The following ZDHHC14 variants were observed in gnomAD, a reference collection of about 807,000 sequenced individuals.
ZDHHC14 encodes palmitoyltransferase ZDHHC14.
A neutral mutation model predicts 47.7 loss-of-function variants in ZDHHC14; 16 were observed. The observed-to-expected ratio is 0.34, with a 90% CI of 0.23 to 0.51. The LOEUF (loss-of-function observed/expected upper bound fraction) is 0.51, where lower values mean the gene tolerates loss of function less well. Among genes scored for constraint, ZDHHC14 ranks in the 20% least tolerant of loss-of-function variants. The pLI is 0.97. For missense variants in ZDHHC14, 515 were observed against 662.5 expected (o/e 0.78, Z 2.44); for synonymous variants, 293 against 278.9 (o/e 1.05, Z -0.50).
intron 1 of ZDHHC14, among the ~76,000 whole-genome samples, chr6:157,513,927 G>A (rs1047436936): frequency 1.2e-4 from 18 of 152,004 alleles, no homozygotes; most frequent in Admixed American, 1.2e-3. Flanking sequence ...TTGGCTCAGC[G>A]AACAGTGAAT....
chr6:157,445,564 C>T (rs780082345), intron 1 of ZDHHC14, among the ~76,000 whole-genome samples: 55 of 152,328 alleles, frequency 3.6e-4, no homozygotes, highest in South Asian at 1.9e-3. Context: ...TGGCAAGCCC[C>T]CTCTGCCCCC....
chr6:157,608,840 G>C (rs34162221), intron 3 of ZDHHC14, among the ~76,000 whole-genome samples: 2 of 152,208 alleles, frequency 1.3e-5, no homozygotes, highest in African/African-American at 4.8e-5. Flanking sequence ...CGAGAGGGGG[G>C]GCTGTCCCCA....
intron 1 of ZDHHC14, among the ~76,000 whole-genome samples, chr6:157,387,401 A>T (rs1351101168): frequency 6.6e-6 from 1 of 152,216 alleles, no homozygotes; most frequent in African/African-American, 2.4e-5. Context: ...TTTATAATAT[A>T]TAATAACCCC....
At chr6:157,610,318 GC>G (rs1426450452) in intron 3 of ZDHHC14, among the ~76,000 whole-genome samples, 6 of 152,184 alleles carry the variant, frequency 3.9e-5, no homozygotes, top group Admixed American at 3.3e-4. Flanking sequence ...TGTGGTCCCA[GC>G]TACTCGGGAG....
chr6:157,610,226 T>C (rs1784700529), intron 3 of ZDHHC14, among the ~76,000 whole-genome samples: 1 of 152,138 alleles, frequency 6.6e-6, no homozygotes, highest in African/African-American at 2.4e-5. Flanking sequence ...AGGCGGATCA[T>C]GAGGTCGGGA....
At chr6:157,545,373 T>C (rs1309870662) in intron 2 of ZDHHC14, among the ~76,000 whole-genome samples, 3 of 147,388 alleles carry the variant, frequency 2.0e-5, no homozygotes, top group African/African-American at 7.7e-5. Flanking sequence ...TCTATGAAGA[T>C]GTAAAAAAAA....
At chr6:157,632,365 C>T (rs1213924785) in intron 4 of ZDHHC14, 3 of 161,930 alleles carry the variant, frequency 1.9e-5, no homozygotes, top group Admixed American at 1.8e-4. Flanking sequence ...ATGTCTAAAG[C>T]CCAAGAGAAG....
At chr6:157,555,477 G>A (rs939888519) in intron 2 of ZDHHC14, among the ~76,000 whole-genome samples, 3 of 152,146 alleles carry the variant, frequency 2.0e-5, no homozygotes, top group East Asian at 3.8e-4. Context: ...ATTTTTTATC[G>A]TAGGATATCC....
intron 1 of ZDHHC14, among the ~76,000 whole-genome samples, chr6:157,396,006 C>A (rs1199054812): frequency 6.6e-6 from 1 of 151,994 alleles, no homozygotes; most frequent in Admixed American, 6.6e-5. Context: ...TGATTTAGGT[C>A]TGCTTTTGCC....
rs540144341 is a variant in ZDHHC14, at chr6:157,395,417, C to T, written c.245+13151C>T. ...CTGAGCTCAAGTGATCCTTCCACTT[C>T]GGCCTCCCAAAGTGCTGAGATTACA... On this transcript the variant is annotated intron_variant, in intron 1 of 8. Transcript: ENST00000359775. Among the ~76,000 whole-genome samples the T allele has an allele frequency of 3.3e-3, 506 of 151,594 alleles. 4 individuals are homozygous for T. Among genetic ancestry groups the T allele is most frequent in the African/African-American group, 0.012 (476 of 41,282 alleles).
Position 157,463,705 on chromosome 6 carries a change from C to T in ZDHHC14, c.246-78880C>T, listed in dbSNP as rs934720364. 5.3e-5 allele frequency among the ~76,000 whole-genome samples: 8 copies of T among 152,180 alleles called. No individual in the cohort carries two copies. The highest frequency in any genetic ancestry group is 1.9e-4 in the East Asian group (1 of 5,202). On this transcript the variant is annotated intron_variant, in intron 1 of 8. Transcript: ENST00000359775. This position sits in a 1 kb window ranked among gnomAD's most constrained non-coding sequence, Gnocchi z 4.4. ...CTGGCACTTCGTCCCAATGTCTCCC[C>T]GCTTTACCTTTCATTAGTCAGATCT... is the stretch of plus-strand genomic sequence containing the variant.
intron 3 of ZDHHC14, among the ~76,000 whole-genome samples, chr6:157,599,357 C>T (rs1426118835): frequency 6.6e-6 from 1 of 152,236 alleles, no homozygotes; most frequent in African/African-American, 2.4e-5. Context: ...GGCACCACCA[C>T]TGAGTTCCCT....
chr6:157,642,099 A>T lies in ZDHHC14; in HGVS notation c.753-3638A>T, dbSNP rs1370501674. 4.6e-5 allele frequency among the ~76,000 whole-genome samples: 7 copies of T among 152,226 alleles called. No individual in the cohort carries two copies. The East Asian group carries it at 7.7e-4, about 17-fold the overall frequency. ...CATGTTGGAAATTAGAACTAAAAAA[A>T]TTTTAAAACACAAGAATGCACAAGC... On this transcript the variant is annotated intron_variant, in intron 5 of 8. Coordinates refer to ENST00000359775, the MANE Select transcript of ZDHHC14 (RefSeq NM_024630.3).
chr6:157,647,490 G>A (rs1037123770), intron 7 of ZDHHC14, 122 bp downstream of exon 7: 30 of 628,966 alleles, frequency 4.8e-5, no homozygotes, highest in African/African-American at 1.3e-4. Flanking sequence ...ACTTTGTGCC[G>A]CGTGGATGTG....
chr6:157,572,740 C>T (rs1255514368), intron 2 of ZDHHC14, among the ~76,000 whole-genome samples: 2 of 149,322 alleles, frequency 1.3e-5, no homozygotes, highest in African/African-American at 2.5e-5. Context: ...ACCTAGAGGA[C>T]TGTTGGGCAT....
At position 157,604,744 on chromosome 6, in the gene ZDHHC14, A is replaced by G. The variant is rs187017132; in HGVS notation, c.565+11598A>G. Reference sequence around the variant, plus strand: ...ATTTTAGTAGAGACGGTGTTTCACCATATTGGTCAGGCTGGTCTCGAACTC... The same window carrying G: ...ATTTTAGTAGAGACGGTGTTTCACCGTATTGGTCAGGCTGGTCTCGAACTC... On this transcript the variant is annotated intron_variant, in intron 3 of 8. Transcript: ENST00000359775. Among the ~76,000 whole-genome samples, 26 of 152,224 alleles carry G rather than the reference A, an allele frequency of 1.7e-4. No individual in the cohort carries two copies. The East Asian group carries it at 4.4e-3, about 26-fold the overall frequency.
chr6:157,435,530 T>G (rs1778422714), intron 1 of ZDHHC14, among the ~76,000 whole-genome samples: 1 of 151,994 alleles, frequency 6.6e-6, no homozygotes, highest in Non-Finnish European at 1.5e-5. Flanking sequence ...TCCTCCCTCA[T>G]TTCTCTCTCT....
chr6:157,538,273 G>T (rs1781613955), intron 1 of ZDHHC14, among the ~76,000 whole-genome samples: 1 of 152,174 alleles, frequency 6.6e-6, no homozygotes, highest in African/African-American at 2.4e-5. Context: ...TGAACATGAG[G>T]CACACTCGGC....
rs185659254 is a variant in ZDHHC14, at chr6:157,452,813, G to A, written c.245+70547G>A. 1.7e-3 allele frequency among the ~76,000 whole-genome samples: 254 copies of A among 145,728 alleles called. 2 individuals are homozygous for A. The highest frequency in any genetic ancestry group is 0.016 in the Admixed American group (226 of 13,764). On this transcript the variant is annotated intron_variant, in intron 1 of 8. Transcript: ENST00000359775. ...CGCCTCCCGGGTTCAAGCGATTCTC[G>A]TGCTTCCATCTCCCGAGTAGCTGGG...
Sources: allele counts gnomAD v4.1 joint callset (sites outside exome capture counted in the v4.1 genomes callset), GRCh38; gene constraint gnomAD v4.1.1; non-coding constraint Gnocchi (gnomAD v3.1); transcripts MANE v1.5; gene names NCBI Gene and HGNC (gene_info 2026-07-23, HGNC 2026-07-21).